The following DNAI2 variants were observed in gnomAD, a reference collection of about 807,000 sequenced individuals.
DNAI2 encodes the protein dynein, axonemal, intermediate polypeptide 2.
In DNAI2, 63 loss-of-function variants were observed where a neutral mutation model predicts 74.7. That is an observed-to-expected ratio of 0.84 (90% CI 0.69 to 1.04). DNAI2 has a LOEUF of 1.04. DNAI2 is among the 50% of genes least tolerant of loss of function. DNAI2 has a pLI of 0.00. For synonymous variants in DNAI2, 289 were observed against 314.9 expected, an observed-to-expected ratio of 0.92 and a Z score of 0.87; for missense variants, 688 against 803.2, an observed-to-expected ratio of 0.86 and a Z score of 1.73.
chr17:74,284,729 T>C (rs992730647), intron 2 of DNAI2, among the ~76,000 whole-genome samples: 1 of 152,158 alleles, frequency 6.6e-6, no homozygotes, highest in African/African-American at 2.4e-5. Context: ...CACCTTTTCT[T>C]TGGATTCTCA....
Position 74,289,727 on chromosome 17 carries a change from T to C in DNAI2, c.601T>C (p.Trp201Arg). The change falls in exon 5 of 14, where the codon TGG (tryptophan) becomes CGG (arginine). Residue 201 changes from tryptophan to arginine, a missense_variant. Physicochemically the swap from Trp to Arg is moderately radical, Grantham distance 101. Coordinates refer to ENST00000311014, the MANE Select transcript of DNAI2 (RefSeq NM_023036.6). ...PVGMSSDSYI[W>R]DLENPNKPEL... ...GGGCATGAGCAGCGATTCATACATC[T>C]GGGACCTGGGTGAGAAGCAGCGGGG... The C allele has an allele frequency of 6.2e-7, 1 of 1,613,862 alleles. No individual in the cohort carries two copies.
chr17:74,290,872 G>A, intron 5 of DNAI2, 148 bp from the exon 6 acceptor site: 1 of 778,128 alleles, frequency 1.3e-6, no homozygotes, highest in Non-Finnish European at 2.3e-6. Context: ...TGGACCAGGG[G>A]GTGCAGGCTG....
intron 2 of DNAI2, 27 bp downstream of exon 2, chr17:74,282,027 C>A (rs2051421999): frequency 6.2e-7 from 1 of 1,613,164 alleles, no homozygotes; most frequent in Non-Finnish European, 8.5e-7. Context: ...AGGGCCCTGG[C>A]CTGTCAGGTG....
chr17:74,301,161 C>T lies in DNAI2; in HGVS notation c.980C>T (p.Ser327Phe). The change falls in exon 8 of 14, where the codon TCT (serine) becomes TTT (phenylalanine). Residue 327 changes from serine (S) to phenylalanine (F), a missense_variant. Ser to Phe is a radical substitution (Grantham distance 155). Transcript: ENST00000311014. ...ALGAISLEFE[S>F]TLPTKFMVGT... The stretch of plus-strand genomic sequence containing the variant: ...GGGGCCATCTCCCTGGAGTTCGAAT[C>T]TACTTTGGTGAGTGTCCCTTGCTGT... 1 of 1,613,838 alleles carries T rather than the reference C, an allele frequency of 6.2e-7. No homozygotes were observed. Among genetic ancestry groups the T allele is most frequent in the Non-Finnish European group, 8.5e-7 (1 of 1,179,826 alleles).
At chr17:74,284,642 G>C (rs920690263) in intron 2 of DNAI2, among the ~76,000 whole-genome samples, 1 of 152,128 alleles carries the variant, frequency 6.6e-6, no homozygotes, top group African/African-American at 2.4e-5. Flanking sequence ...TCGATCTCCT[G>C]ACCTCGTGAT....
chr17:74,275,958 C>T (rs916117016), intron 1 of DNAI2, among the ~76,000 whole-genome samples: 1 of 152,116 alleles, frequency 6.6e-6, no homozygotes, highest in Non-Finnish European at 1.5e-5. Context: ...GCCCACCACT[C>T]GCAGGAACCC....
chr17:74,298,462 G>A lies in DNAI2; in HGVS notation c.725-1256G>A, dbSNP rs540282262. 3.3e-5 allele frequency among the ~76,000 whole-genome samples: 5 copies of A among 152,078 alleles called. No homozygotes were observed. In the South Asian group the frequency reaches 8.3e-4, roughly 25 times the overall value. On this transcript the variant is annotated intron_variant, in intron 6 of 13. Transcript: ENST00000311014. Reference sequence around the variant, plus strand: ...TGGGATTACAGGTGCCTGCCACCACGCCCAGCTAATTTTTTTGTGTTTTTA... The same window carrying A: ...TGGGATTACAGGTGCCTGCCACCACACCCAGCTAATTTTTTTGTGTTTTTA...
At chr17:74,276,026 C>A (rs1454013142) in intron 1 of DNAI2, among the ~76,000 whole-genome samples, 3 of 152,150 alleles carry the variant, frequency 2.0e-5, no homozygotes, top group Non-Finnish European at 2.9e-5. Flanking sequence ...CTCCTTATTC[C>A]ACTAGGGAGT....
chr17:74,307,406 G>T (rs961976308), intron 9 of DNAI2: 2 of 428,896 alleles, frequency 4.7e-6, no homozygotes, highest in East Asian at 1.4e-4. Flanking sequence ...GTGGGCTAAT[G>T]CCTGTAATCC....
intron 3 of DNAI2, among the ~76,000 whole-genome samples, chr17:74,286,035 C>A (rs1440996938): frequency 1.3e-5 from 2 of 151,668 alleles, no homozygotes; most frequent in Admixed American, 6.6e-5. Flanking sequence ...GTGGCTCACA[C>A]CTGTAATCCC....
intron 1 of DNAI2, among the ~76,000 whole-genome samples, chr17:74,278,360 G>T (rs369708012): frequency 2.7e-4 from 41 of 152,266 alleles, no homozygotes; most frequent in African/African-American, 9.6e-4. Flanking sequence ...AGCCTGGGAG[G>T]TTGAGGCTGC....
rs1325533094 is a variant in DNAI2, at chr17:74,300,653, G to A, written c.865-393G>A. On this transcript the variant is annotated intron_variant, in intron 7 of 13. Coordinates refer to ENST00000311014, the MANE Select transcript of DNAI2 (RefSeq NM_023036.6). The surrounding 1 kb of genome is among the most constrained non-coding windows in gnomAD (Gnocchi z 4.5). ...TACACAGATTGTTGCACACATGCGG[G>A]GATATATCTACAGCAGACATTGCTG... 6.6e-6 allele frequency among the ~76,000 whole-genome samples: 1 copy of A among 152,172 alleles called. No individual in the cohort carries two copies. Among genetic ancestry groups the A allele is most frequent in the Non-Finnish European group, 1.5e-5 (1 of 68,036 alleles).
At chr17:74,286,704 C>T (rs569413768) in intron 3 of DNAI2, among the ~76,000 whole-genome samples, 4 of 152,260 alleles carry the variant, frequency 2.6e-5, no homozygotes, top group East Asian at 1.9e-4. Flanking sequence ...GGATTACAGG[C>T]GTGAGCCACC....
intron 9 of DNAI2, among the ~76,000 whole-genome samples, chr17:74,308,273 G>C (rs1028506251): frequency 3.9e-5 from 6 of 152,156 alleles, no homozygotes; most frequent in Non-Finnish European, 7.3e-5. Flanking sequence ...AGGCTGCACT[G>C]TGTGTGTGTC....
intron 11 of DNAI2, among the ~76,000 whole-genome samples, chr17:74,310,374 A>C (rs2053452106): frequency 6.6e-6 from 1 of 151,070 alleles, no homozygotes; most frequent in Admixed American, 6.6e-5. Flanking sequence ...GGCCTTCAGT[A>C]AGTCACGTCA....
chr17:74,289,773 T>C (rs1035354684), intron 5 of DNAI2, 37 bp downstream of exon 5: 2 of 1,612,926 alleles, frequency 1.2e-6, no homozygotes, highest in Non-Finnish European at 1.7e-6. Context: ...CTGGGAGGGC[T>C]GAGGGCTGGG....
chr17:74,301,936 A>AAT (rs1179750599), intron 8 of DNAI2, among the ~76,000 whole-genome samples: 3 of 23,454 alleles, frequency 1.3e-4, no homozygotes, highest in African/African-American at 3.6e-4. Flanking sequence ...GGAAGGAAGG[A>AAT]AGGAAGGAAG....
chr17:74,276,415 A>G (rs2051085556), intron 1 of DNAI2, among the ~76,000 whole-genome samples: 1 of 152,082 alleles, frequency 6.6e-6, no homozygotes, highest in South Asian at 2.1e-4. Flanking sequence ...GGGCAGTGAC[A>G]CTGCTCCCGT....
intron 1 of DNAI2, 197 bp from the exon 2 acceptor site, chr17:74,281,610 T>A (rs1340071448): frequency 1.6e-6 from 1 of 618,218 alleles, no homozygotes; most frequent in Non-Finnish European, 2.8e-6. Context: ...AACAGGGTAA[T>A]GCTTAGCATA....
Sources: gnomAD v4.1 joint callset for allele counts (sites outside exome capture counted in the v4.1 genomes callset) on GRCh38, gnomAD v4.1.1 for gene constraint, Gnocchi (gnomAD v3.1) non-coding constraint, MANE v1.5 for transcripts, NCBI Gene and HGNC (gene_info 2026-07-23, HGNC 2026-07-21) for gene names.